DCUN1D1: variants seen among roughly 807,000 people sequenced by gnomAD.
The protein encoded by DCUN1D1 is defective in cullin neddylation 1 domain containing 1.
A neutral mutation model predicts 39.0 loss-of-function variants in DCUN1D1; 3 were observed. That is an observed-to-expected ratio of 0.08 (90% confidence interval 0.04 to 0.20). DCUN1D1 has a LOEUF of 0.20. Among genes scored for constraint, DCUN1D1 ranks in the 10% least tolerant of loss-of-function variants. DCUN1D1 has a pLI of 1.00. For missense variants in DCUN1D1, 158 were observed against 302.4 expected (o/e 0.52, Z 3.54); for synonymous variants, 82 against 96.3 (o/e 0.85, Z 0.87).
At chr3:182,972,678 C>G (rs1240324711) in intron 1 of DCUN1D1, among the ~76,000 whole-genome samples, 1 of 151,948 alleles carries the variant, frequency 6.6e-6, no homozygotes, top group Non-Finnish European at 1.5e-5. Context: ...AAAGTTGAGG[C>G]TGCAATGAGC....
At chr3:182,984,505 C>T (rs559996624), upstream of DCUN1D1, among the ~76,000 whole-genome samples, 7 of 152,008 alleles carry the variant, frequency 4.6e-5, no homozygotes, top group East Asian at 1.2e-3. Flanking sequence ...TGACTATTTT[C>T]CATAGCAACA....
At chr3:182,954,987 C>G (rs1013308818) in intron 4 of DCUN1D1, among the ~76,000 whole-genome samples, 2 of 151,294 alleles carry the variant, frequency 1.3e-5, no homozygotes, top group African/African-American at 4.9e-5. Flanking sequence ...TAGGATTTCA[C>G]AGTATCTTTT....
In DCUN1D1 at chr3:182,975,593, A is replaced by C. The variant is rs531826874; in HGVS notation, c.3+4894T>G. Among the ~76,000 whole-genome samples the C allele has an allele frequency of 2.6e-5, 4 of 152,094 alleles. No homozygotes were observed. In the South Asian group the frequency reaches 8.3e-4, roughly 32 times the overall value. Reference sequence around the variant, plus strand: ...CATTTGATTGGATATGGAAACAACTAGGTCACTATTATTCAGCATGACAAG... The same window carrying C: ...CATTTGATTGGATATGGAAACAACTCGGTCACTATTATTCAGCATGACAAG... On this transcript the variant is annotated intron_variant, in intron 1 of 6. Coordinates refer to ENST00000292782, the MANE Select transcript of DCUN1D1 (RefSeq NM_020640.4).
intron 1 of DCUN1D1, among the ~76,000 whole-genome samples, chr3:182,973,380 T>C (rs1194126975): frequency 3.9e-5 from 6 of 152,234 alleles, no homozygotes; most frequent in African/African-American, 1.2e-4. Flanking sequence ...CACCAGTTGA[T>C]TGCGGGTAAC....
intron 1 of DCUN1D1, chr3:182,980,174 TC>T (rs1728465424): frequency 4.2e-6 from 2 of 479,344 alleles, no homozygotes; most frequent in African/African-American, 2.3e-5. Flanking sequence ...CCCCAACGCC[TC>T]CCCCACCCGC....
intron 1 of DCUN1D1, among the ~76,000 whole-genome samples, chr3:182,975,600 T>C (rs1036237636): frequency 1.3e-5 from 2 of 151,172 alleles, no homozygotes; most frequent in African/African-American, 4.9e-5. Context: ...ACTAGGTCAC[T>C]ATTATTCAGC....
intron 1 of DCUN1D1, among the ~76,000 whole-genome samples, chr3:182,977,181 CA>C (rs1331641012): frequency 6.6e-6 from 1 of 152,064 alleles, no homozygotes; most frequent in Non-Finnish European, 1.5e-5. Flanking sequence ...AATGGTAGAC[CA>C]GGAGAAAATA....
rs555927875 is a variant in DCUN1D1, at chr3:182,971,498, G to A, written c.4-5745C>T. On this transcript the variant is annotated intron_variant, in intron 1 of 6. Transcript: ENST00000292782. ...TGCGGTGGGAGGATCACTTGAGCCC[G>A]GGAGATAGAGGCTGCAGTGAGCTAT... Among the ~76,000 whole-genome samples the A allele has an allele frequency of 3.4e-4, 52 of 151,632 alleles. 1 individual carries two copies. Among genetic ancestry groups the A allele is most frequent in the Non-Finnish European group, 6.0e-4 (41 of 67,882 alleles).
intron 1 of DCUN1D1, 127 bp downstream of exon 1, chr3:182,980,360 G>A (rs1728477196): frequency 2.9e-6 from 2 of 693,724 alleles, no homozygotes; most frequent in Non-Finnish European, 1.8e-6. Context: ...CCTGGGAGCG[G>A]GACGGAGGCC....
intron 1 of DCUN1D1, among the ~76,000 whole-genome samples, chr3:182,966,497 C>G (rs1727675905): frequency 6.6e-6 from 1 of 152,120 alleles, no homozygotes; most frequent in Non-Finnish European, 1.5e-5. Context: ...CCAAACAGCC[C>G]TTCTACTTCT....
At chr3:182,962,508 C>G (rs889840298) in intron 3 of DCUN1D1, among the ~76,000 whole-genome samples, 1 of 152,196 alleles carries the variant, frequency 6.6e-6, no homozygotes, top group African/African-American at 2.4e-5. Flanking sequence ...AATCTCACAG[C>G]CTGCAGCAAG....
chr3:182,959,185 A>AT (rs544318960), intron 4 of DCUN1D1, among the ~76,000 whole-genome samples: 99 of 152,182 alleles, frequency 6.5e-4, no homozygotes, highest in Non-Finnish European at 1.1e-3. Flanking sequence ...CAAAATGAGG[A>AT]TTTTTCCTTT....
At chr3:182,948,975 A>G (rs1217168532) in intron 4 of DCUN1D1, among the ~76,000 whole-genome samples, 1 of 150,282 alleles carries the variant, frequency 6.7e-6, no homozygotes, top group Non-Finnish European at 1.5e-5. Flanking sequence ...TTGAAACCGG[A>G]AGGCGGAGGT....
chr3:182,945,463 A>G (rs891941632), intron 6 of DCUN1D1, among the ~76,000 whole-genome samples: 1 of 152,210 alleles, frequency 6.6e-6, no homozygotes, highest in South Asian at 2.1e-4. Context: ...AGGCCACTGC[A>G]GTCAGCCAAT....
At chr3:182,984,692 C>A (rs1728670887), upstream of DCUN1D1, among the ~76,000 whole-genome samples, 1 of 152,162 alleles carries the variant, frequency 6.6e-6, no homozygotes, top group South Asian at 2.1e-4. Context: ...GTAAATACTT[C>A]TTGCCACAAA....
chr3:182,979,799 C>A (rs562217047), intron 1 of DCUN1D1, among the ~76,000 whole-genome samples: 90 of 152,208 alleles, frequency 5.9e-4, no homozygotes, highest in Non-Finnish European at 9.7e-4. Context: ...CCCCCTCCCC[C>A]AAGCTCAGCA....
upstream of DCUN1D1, among the ~76,000 whole-genome samples, chr3:182,983,981 C>T (rs2108415035): frequency 6.6e-6 from 1 of 152,328 alleles, no homozygotes; most frequent in South Asian, 2.1e-4. Context: ...ACATGACCAT[C>T]TCCCCTGCCA....
chr3:182,945,205 A>C, intron 6 of DCUN1D1, 32 bp from the exon 7 acceptor site: 2 of 1,544,128 alleles, frequency 1.3e-6, no homozygotes, highest in Non-Finnish European at 8.8e-7. Flanking sequence ...AAAGAAAGAG[A>C]AGGGGGAAAA....
At chr3:182,978,547 T>C (rs1484944873) in intron 1 of DCUN1D1, among the ~76,000 whole-genome samples, 1 of 152,126 alleles carries the variant, frequency 6.6e-6, no homozygotes, top group Non-Finnish European at 1.5e-5. Context: ...GGCTATTTTT[T>C]TTCCTTGGGA....
Sources: allele counts gnomAD v4.1 joint callset (sites outside exome capture counted in the v4.1 genomes callset), GRCh38; gene constraint gnomAD v4.1.1; transcripts MANE v1.5; gene names NCBI Gene and HGNC (gene_info 2026-07-23, HGNC 2026-07-21).